FYB1: variants seen among roughly 807,000 people sequenced by gnomAD.
FYB1 encodes FYN binding protein 1, also known as FYN-binding protein 1.
FYB1 carries 41 observed loss-of-function variants against 94.1 expected under a neutral mutation model. The ratio of observed to expected loss-of-function variants is 0.44; its 90% confidence interval spans 0.34 to 0.57. The LOEUF is 0.57. Ranked by LOEUF, FYB1 falls within the 20% of genes least tolerant of loss-of-function variation. The pLI is 0.02. For missense variants in FYB1, 1,050 were observed against 976.8 expected (o/e 1.07, Z -1.00); for synonymous variants, 367 against 353.2 (o/e 1.04, Z -0.44).
At chr5:39,233,128 C>A (rs1356095584) in intron 1 of FYB1, among the ~76,000 whole-genome samples, 1 of 151,910 alleles carries the variant, frequency 6.6e-6, no homozygotes, top group Non-Finnish European at 1.5e-5. Context: ...TTCTAGATCC[C>A]TGAGGAATCG....
At chr5:39,111,409 A>T (rs1432562073) in intron 16 of FYB1, among the ~76,000 whole-genome samples, 1 of 151,982 alleles carries the variant, frequency 6.6e-6, no homozygotes, top group Non-Finnish European at 1.5e-5. Flanking sequence ...GAGAAAGCTC[A>T]TAAGCAAAAA....
chr5:39,174,486 G>T (rs1277310829), intron 2 of FYB1, among the ~76,000 whole-genome samples: 1 of 152,106 alleles, frequency 6.6e-6, no homozygotes, highest in Non-Finnish European at 1.5e-5. Context: ...GTTCTGCACA[G>T]GACTTTAACA....
chr5:39,120,410 A>T (rs891199214), intron 14 of FYB1, among the ~76,000 whole-genome samples: 18 of 152,192 alleles, frequency 1.2e-4, no homozygotes, highest in African/African-American at 4.3e-4. Flanking sequence ...TTATCCTAAT[A>T]TAAGTGAACA....
intron 7 of FYB1, among the ~76,000 whole-genome samples, chr5:39,136,850 C>T (rs1250753878): frequency 6.6e-6 from 1 of 152,108 alleles, no homozygotes; most frequent in Non-Finnish European, 1.5e-5. Context: ...CTTAAAGAAA[C>T]CATACAGTGA....
At chr5:39,177,752 C>A (rs1266173787) in intron 2 of FYB1, among the ~76,000 whole-genome samples, 1 of 152,106 alleles carries the variant, frequency 6.6e-6, no homozygotes, top group African/African-American at 2.4e-5. Context: ...CTGGAGATTG[C>A]ATGTGTACGT....
chr5:39,241,748 C>A (rs962591801), intron 1 of FYB1, among the ~76,000 whole-genome samples: 1 of 152,056 alleles, frequency 6.6e-6, no homozygotes. Context: ...AGTGGGAAAT[C>A]CACCTGATTT....
At chr5:39,215,561 G>A (rs1169824592) in intron 1 of FYB1, among the ~76,000 whole-genome samples, 1 of 152,168 alleles carries the variant, frequency 6.6e-6, no homozygotes, top group Non-Finnish European at 1.5e-5. Context: ...AGCCAGGGGT[G>A]CAAGGGGGAG....
chr5:39,155,129 TA>T (rs1239179444), intron 2 of FYB1, among the ~76,000 whole-genome samples: 19 of 152,354 alleles, frequency 1.2e-4, no homozygotes, highest in African/African-American at 3.6e-4. Flanking sequence ...CACTTCACTG[TA>T]AATTTCCTTA....
At chr5:39,231,338 G>A (rs1409064700) in intron 1 of FYB1, among the ~76,000 whole-genome samples, 8 of 152,014 alleles carry the variant, frequency 5.3e-5, no homozygotes, top group Admixed American at 1.3e-4. Flanking sequence ...TGGCAAGTAC[G>A]AAATACATGG....
chr5:39,137,528 G>C, intron 7 of FYB1, 72 bp downstream of exon 7: 1 of 1,478,494 alleles, frequency 6.8e-7, no homozygotes, highest in Non-Finnish European at 9.0e-7. Context: ...AAGTTTTCAA[G>C]AATGGTACCC....
At chr5:39,160,548 G>A (rs1383122440) in intron 2 of FYB1, among the ~76,000 whole-genome samples, 1 of 152,202 alleles carries the variant, frequency 6.6e-6, no homozygotes, top group Admixed American at 6.5e-5. Context: ...ATGAGGATTT[G>A]AAAGACTGGC....
At chr5:39,138,350 A>G in intron 6 of FYB1, 1 of 227,564 alleles carries the variant, frequency 4.4e-6, no homozygotes, top group Non-Finnish European at 8.5e-6. Flanking sequence ...ACATAAATTA[A>G]CTCATCTGCC....
intron 1 of FYB1, among the ~76,000 whole-genome samples, chr5:39,233,106 T>C (rs1230287234): frequency 6.6e-6 from 1 of 152,136 alleles, no homozygotes; most frequent in East Asian, 1.9e-4. Flanking sequence ...CTGGGTCAAA[T>C]GGTATTTCTA....
At chr5:39,245,093 C>G (rs1457990429) in intron 1 of FYB1, among the ~76,000 whole-genome samples, 2 of 150,900 alleles carry the variant, frequency 1.3e-5, no homozygotes, top group Non-Finnish European at 2.9e-5. Flanking sequence ...TTAAAGTTGT[C>G]AAATGCTAGA....
upstream of FYB1, among the ~76,000 whole-genome samples, chr5:39,220,476 A>G (rs1439408619): frequency 6.6e-6 from 1 of 151,538 alleles, no homozygotes; most frequent in African/African-American, 2.4e-5. Flanking sequence ...AAAGAAAGAA[A>G]CTCAAAAAAG....
intron 11 of FYB1, among the ~76,000 whole-genome samples, chr5:39,126,695 C>CAAAA (rs1272438775): frequency 0.013 from 371 of 28,980 alleles, 72 homozygotes; most frequent in African/African-American, 0.044. Flanking sequence ...GACCTGGTCT[C>CAAAA]AAAAAAAAAA....
intron 2 of FYB1, among the ~76,000 whole-genome samples, chr5:39,154,982 A>T (rs1743616117): frequency 6.6e-6 from 1 of 152,120 alleles, no homozygotes; most frequent in Non-Finnish European, 1.5e-5. Context: ...TTTATTAAGG[A>T]TATTAATCTT....
At chr5:39,135,603 C>G (rs1472219132) in intron 7 of FYB1, among the ~76,000 whole-genome samples, 1 of 152,176 alleles carries the variant, frequency 6.6e-6, no homozygotes, top group Non-Finnish European at 1.5e-5. Flanking sequence ...TCTTAATTTT[C>G]TAATCCTAAA....
chr5:39,206,677 C>T (rs1300581865), intron 1 of FYB1, among the ~76,000 whole-genome samples: 4 of 152,124 alleles, frequency 2.6e-5, no homozygotes, highest in South Asian at 2.1e-4. Flanking sequence ...AGCAATGTTC[C>T]GTTTTAATCT....
Sources: allele counts gnomAD v4.1 joint callset (sites outside exome capture counted in the v4.1 genomes callset), GRCh38; gene constraint gnomAD v4.1.1; transcripts MANE v1.5; gene names NCBI Gene and HGNC (gene_info 2026-07-23, HGNC 2026-07-21).